The following RBFOX1 variants were observed in gnomAD, a reference collection of about 807,000 sequenced individuals.
RBFOX1 encodes RNA binding protein fox-1 homolog 1.
RBFOX1 carries 8 observed loss-of-function variants against 57.7 expected under a neutral mutation model. The observed-to-expected ratio is 0.14, with a 90% CI of 0.08 to 0.25. The LOEUF (loss-of-function observed/expected upper bound fraction) is 0.25. Among genes scored for constraint, RBFOX1 ranks in the 10% least tolerant of loss-of-function variants. The pLI, the probability that RBFOX1 is intolerant of heterozygous loss-of-function variation, is 1.00. For synonymous variants in RBFOX1, 326 were observed against 222.4 expected (o/e 1.47, Z -4.15); for missense variants, 611 against 548.5 (o/e 1.11, Z -1.14).
At chr16:6,855,406 C>T (rs1323703662) in intron 3 of RBFOX1, among the ~76,000 whole-genome samples, 3 of 152,074 alleles carry the variant, frequency 2.0e-5, no homozygotes, top group South Asian at 2.1e-4. Context: ...AATCCCAGCA[C>T]TTTGGGAGGG....
At chr16:6,685,217 C>T (rs973007395) in intron 3 of RBFOX1, among the ~76,000 whole-genome samples, 43 of 150,852 alleles carry the variant, frequency 2.9e-4, no homozygotes, top group African/African-American at 1.0e-3. Context: ...TGTTGTTAAT[C>T]ATTACACTGG....
At chr16:7,606,713 T>G (rs193176941) in intron 9 of RBFOX1, among the ~76,000 whole-genome samples, 1 of 152,338 alleles carries the variant, frequency 6.6e-6, no homozygotes, top group Admixed American at 6.5e-5. Context: ...ATACATTGAT[T>G]AAGAATTTTT....
chr16:5,497,896 A>G (rs919138830), intron 2 of RBFOX1, among the ~76,000 whole-genome samples: 4 of 152,204 alleles, frequency 2.6e-5, no homozygotes, highest in African/African-American at 4.8e-5. Context: ...CCCTCTGAGG[A>G]GGTGGCTTTG....
intron 5 of RBFOX1, among the ~76,000 whole-genome samples, chr16:7,567,197 A>T: frequency 6.8e-6 from 1 of 148,048 alleles, no homozygotes; most frequent in East Asian, 1.9e-4. Flanking sequence ...ATCCATATAT[A>T]TATCCCTATA....
chr16:7,542,164 A>G (rs1026632080), intron 5 of RBFOX1, among the ~76,000 whole-genome samples: 4 of 152,190 alleles, frequency 2.6e-5, no homozygotes, highest in African/African-American at 9.7e-5. Flanking sequence ...TGAACGGACT[A>G]TTACTCCCTC....
chr16:6,471,579 GAA>G (rs33941933), intron 2 of RBFOX1, among the ~76,000 whole-genome samples: 31,012 of 140,000 alleles, frequency 0.22, 3,850 homozygotes, highest in Non-Finnish European at 0.3. Flanking sequence ...CTTATAATTG[GAA>G]AAAAAAAAAA....
At chr16:6,114,475 G>C (rs1245468767) in intron 1 of RBFOX1, among the ~76,000 whole-genome samples, 1 of 152,112 alleles carries the variant, frequency 6.6e-6, no homozygotes, top group African/African-American at 2.4e-5. Flanking sequence ...AGTATAAAAA[G>C]GCAATAGTTG....
chr16:6,667,901 GAAAA>G (rs139973697), intron 3 of RBFOX1, among the ~76,000 whole-genome samples: 2 of 146,568 alleles, frequency 1.4e-5, no homozygotes, highest in African/African-American at 2.5e-5. Context: ...AAAAACTAAA[GAAAA>G]AAAAAATAAG....
At chr16:7,055,895 T>C (rs2052038691) in intron 4 of RBFOX1, among the ~76,000 whole-genome samples, 2 of 152,192 alleles carry the variant, frequency 1.3e-5, no homozygotes, top group Admixed American at 6.5e-5. Context: ...CCTACATGTG[T>C]GGGCTCAGCA....
chr16:6,753,860 T>G (rs2075360213), intron 3 of RBFOX1, among the ~76,000 whole-genome samples: 1 of 152,132 alleles, frequency 6.6e-6, no homozygotes, highest in African/African-American at 2.4e-5. Flanking sequence ...AGCTGAGTTT[T>G]ATGGTTGATG....
chr16:5,420,449 T>TAC (rs1250013385), intron 1 of RBFOX1, among the ~76,000 whole-genome samples: 1 of 151,960 alleles, frequency 6.6e-6, no homozygotes, highest in African/African-American at 2.4e-5. Flanking sequence ...CATACAGTCA[T>TAC]ACACACACAC....
intron 1 of RBFOX1, among the ~76,000 whole-genome samples, chr16:6,299,052 A>G (rs2078477481): frequency 6.6e-6 from 1 of 152,122 alleles, no homozygotes; most frequent in South Asian, 2.1e-4. Flanking sequence ...CTCTGTTCCC[A>G]GGTAAAAGGC....
intron 4 of RBFOX1, among the ~76,000 whole-genome samples, 153 bp from the exon 5 acceptor site, chr16:7,517,994 A>T (rs1345573693): frequency 6.6e-6 from 1 of 152,230 alleles, no homozygotes; most frequent in Middle Eastern, 3.4e-3. Flanking sequence ...TCTGGTGAAG[A>T]TGACCTGAGA....
intron 3 of RBFOX1, among the ~76,000 whole-genome samples, chr16:6,856,100 CCCTTCCCTTTCTTCCCTTT>C (rs1222917244): frequency 1.3e-5 from 2 of 151,228 alleles, no homozygotes; most frequent in African/African-American, 4.9e-5. Context: ...CCCTTCCCTT[CCCTTCCCTTTCTTCCCTTT>C]CCTTCCCTTC....
At chr16:7,267,494 C>T (rs552730257) in intron 4 of RBFOX1, among the ~76,000 whole-genome samples, 1 of 152,074 alleles carries the variant, frequency 6.6e-6, no homozygotes, top group Non-Finnish European at 1.5e-5. Flanking sequence ...CAAGGTTGCA[C>T]TACTGCATTC....
chr16:5,721,833 G>A (rs1210829378), intron 3 of RBFOX1, among the ~76,000 whole-genome samples: 2 of 152,166 alleles, frequency 1.3e-5, no homozygotes, highest in African/African-American at 4.8e-5. Flanking sequence ...CTTGTAACTA[G>A]AGAATCTCAG....
intron 1 of RBFOX1, among the ~76,000 whole-genome samples, chr16:6,291,256 A>G (rs1229240386): frequency 6.6e-6 from 1 of 152,172 alleles, no homozygotes; most frequent in Non-Finnish European, 1.5e-5. Context: ...CCATCTGGGA[A>G]TGCAGCCCAG....
chr16:6,611,261 C>G (rs771761922), intron 2 of RBFOX1, among the ~76,000 whole-genome samples: 1 of 152,172 alleles, frequency 6.6e-6, no homozygotes, highest in African/African-American at 2.4e-5. Context: ...ATTCTCCTGC[C>G]TCAGCCTCCC....
chr16:7,145,801 G>A (rs151169646), intron 4 of RBFOX1, among the ~76,000 whole-genome samples: 2 of 152,118 alleles, frequency 1.3e-5, no homozygotes, highest in Admixed American at 6.6e-5. Flanking sequence ...ACCTCTCTCT[G>A]TTTGTGTTCC....
Sources: gnomAD v4.1 joint callset for allele counts (sites outside exome capture counted in the v4.1 genomes callset) on GRCh38, gnomAD v4.1.1 for gene constraint, MANE v1.5 for transcripts, NCBI Gene and HGNC (gene_info 2026-07-23, HGNC 2026-07-21) for gene names.